The following CSNK1A1 variants were observed in gnomAD, a reference collection of about 807,000 sequenced individuals.
The protein encoded by CSNK1A1 is casein kinase 1 alpha 1.
Under a neutral mutation model 46.1 loss-of-function variants are expected in CSNK1A1, and 7 were observed. The observed-to-expected ratio is 0.15, with a 90% confidence interval of 0.09 to 0.29. The LOEUF (loss-of-function observed/expected upper bound fraction) is 0.29, where lower values mean the gene tolerates loss of function less well. Among genes scored for constraint, CSNK1A1 ranks in the 10% least tolerant of loss-of-function variants. The pLI is 1.00. For synonymous variants in CSNK1A1, 137 were observed against 141.5 expected, an observed-to-expected ratio of 0.97 and a Z score of 0.23; for missense variants, 96 against 417.1, an observed-to-expected ratio of 0.23 and a Z score of 6.71.
intron 2 of CSNK1A1, among the ~76,000 whole-genome samples, chr5:149,538,441 CAA>C (rs1427915230): frequency 6.6e-6 from 1 of 152,096 alleles, no homozygotes; most frequent in Non-Finnish European, 1.5e-5. Context: ...TTAAATTCAC[CAA>C]GAGAGTCTCA....
chr5:149,496,987 G>A, intron 9 of CSNK1A1, 127 bp from the exon 10 acceptor site: 2 of 1,457,590 alleles, frequency 1.4e-6, no homozygotes, highest in Non-Finnish European at 1.8e-6. Context: ...TTCGTCTCTT[G>A]TGAAAAGTAT....
Position 149,517,969 on chromosome 5 carries a change from A to G in CSNK1A1, c.456+2321T>C. The stretch of plus-strand genomic sequence containing the variant: ...CAGACAGGCAACACCGAGGCATTAG[A>G]GAAAGAACAGGGTAGCCAAATGCCA... On this transcript the variant is annotated intron_variant, in intron 4 of 9. Coordinates refer to ENST00000377843, the MANE Select transcript of CSNK1A1 (RefSeq NM_001892.6). The surrounding 1 kb of genome is among the most constrained non-coding windows in gnomAD (Gnocchi z 4.4). 2 of 770,314 alleles carry G rather than the reference A, an allele frequency of 2.6e-6. No individual in the cohort carries two copies. Among genetic ancestry groups the G allele is most frequent in the Non-Finnish European group, 4.5e-6 (2 of 446,544 alleles). The allele number at this position is 770,314 out of a possible 1,614,324, so 47.7% of individuals were successfully genotyped here.
chr5:149,506,965 T>A (rs1009925262), intron 8 of CSNK1A1, 62 bp downstream of exon 8: 2 of 1,197,938 alleles, frequency 1.7e-6, no homozygotes, highest in African/African-American at 3.0e-5. Flanking sequence ...ATGAATTTGT[T>A]AGGTAAATTT....
At chr5:149,530,827 ATGG>A (rs1761870861) in intron 2 of CSNK1A1, among the ~76,000 whole-genome samples, 1 of 151,948 alleles carries the variant, frequency 6.6e-6, no homozygotes, top group Non-Finnish European at 1.5e-5. Context: ...TTAGCTGGGC[ATGG>A]TGGTGGGCGC....
Position 149,495,438 on chromosome 5 carries a change from T to A in CSNK1A1, c.*1415A>T, listed in dbSNP as rs1033856892. 2.6e-4 allele frequency: 40 copies of A among 151,968 alleles called. 1 individual carries two copies. Among genetic ancestry groups the A allele is most frequent in the African/African-American group, 9.2e-4 (38 of 41,434 alleles). The allele number at this position is 151,968 out of a possible 1,614,324, so 9.4% of individuals were successfully genotyped here. A position where few individuals can be genotyped will look rare whatever the true frequency, so the allele number is the denominator to read the frequency against. On this transcript the variant is annotated 3_prime_UTR_variant, in exon 10 of 10. Transcript: ENST00000377843. ...TCAGTAAGTTTTCCTTTCTCATGGG[T>A]CAGAGAAAAAGAAATGAGCGTGCAA...
intron 5 of CSNK1A1, 126 bp from the exon 6 acceptor site, chr5:149,511,998 G>T (rs1761239211): frequency 1.5e-6 from 1 of 659,862 alleles, no homozygotes; most frequent in Non-Finnish European, 2.5e-6. Context: ...TCTTACGCAA[G>T]AAGCTACTTA....
chr5:149,544,905 G>A (rs1033805965), intron 2 of CSNK1A1, among the ~76,000 whole-genome samples: 11 of 151,262 alleles, frequency 7.3e-5, no homozygotes, highest in African/African-American at 2.4e-4. Context: ...GCGGGCCGAG[G>A]TGGGTGGATC....
chr5:149,537,228 T>C (rs539345666), intron 2 of CSNK1A1, among the ~76,000 whole-genome samples: 1 of 151,876 alleles, frequency 6.6e-6, no homozygotes, highest in East Asian at 1.9e-4. Flanking sequence ...ATACAAAAAT[T>C]AGCCGGGTGC....
chr5:149,549,952 T>C, intron 2 of CSNK1A1, 123 bp downstream of exon 2: 2 of 1,158,008 alleles, frequency 1.7e-6, no homozygotes, highest in Admixed American at 5.6e-5. Context: ...AACCACCAGC[T>C]ATAGGGAACC....
At chr5:149,520,412 T>C in intron 3 of CSNK1A1, 24 bp from the exon 4 acceptor site, 1 of 1,313,582 alleles carries the variant, frequency 7.6e-7, no homozygotes, top group Non-Finnish European at 1.1e-6. Flanking sequence ...AAGGGAGAGA[T>C]AATTGAGTTA....
At chr5:149,507,242 T>C (rs1230468288) in intron 7 of CSNK1A1, 109 bp from the exon 8 acceptor site, 1 of 802,956 alleles carries the variant, frequency 1.2e-6, no homozygotes, top group Non-Finnish European at 1.9e-6. Flanking sequence ...TATTTTACCA[T>C]TTCATAGGAA....
intron 9 of CSNK1A1, chr5:149,502,133 T>C (rs1760877937): frequency 6.2e-6 from 6 of 973,484 alleles, no homozygotes; most frequent in Non-Finnish European, 7.3e-6. Flanking sequence ...ACATTCTTAT[T>C]AAGTTATTAA....
chr5:149,508,235 A>C (rs1015089599), intron 7 of CSNK1A1, among the ~76,000 whole-genome samples: 2 of 152,202 alleles, frequency 1.3e-5, no homozygotes, highest in African/African-American at 2.4e-5. Context: ...TATTGATTGC[A>C]CCGATATAAA....
chr5:149,516,718 T>C (rs1761415872), intron 4 of CSNK1A1, among the ~76,000 whole-genome samples: 1 of 152,188 alleles, frequency 6.6e-6, no homozygotes, highest in South Asian at 2.1e-4. Context: ...CCATCTACTG[T>C]CTTCCCCCCA....
intron 2 of CSNK1A1, among the ~76,000 whole-genome samples, chr5:149,542,897 G>A (rs970905663): frequency 6.6e-6 from 1 of 150,480 alleles, no homozygotes. Flanking sequence ...GTTTCACCAT[G>A]TTGGCCAGCC....
chr5:149,523,058 T>TTTG (rs1761620734), intron 3 of CSNK1A1, among the ~76,000 whole-genome samples: 1 of 151,674 alleles, frequency 6.6e-6, no homozygotes, highest in Non-Finnish European at 1.5e-5. Context: ...TTTTTTTTTT[T>TTTG]GAGACAGAGT....
intron 3 of CSNK1A1, among the ~76,000 whole-genome samples, chr5:149,521,690 C>A (rs1179108399): frequency 6.6e-6 from 1 of 151,568 alleles, no homozygotes; most frequent in African/African-American, 2.4e-5. Flanking sequence ...AATTTTGGCT[C>A]ACTGCAACCT....
intron 2 of CSNK1A1, among the ~76,000 whole-genome samples, chr5:149,548,366 A>C (rs750941645): frequency 8.6e-5 from 13 of 151,568 alleles, no homozygotes; most frequent in African/African-American, 3.1e-4. Flanking sequence ...CAGGAGGTGG[A>C]GACCAGCCTG....
intron 2 of CSNK1A1, chr5:149,529,810 T>C (rs1580846294): frequency 2.2e-6 from 1 of 449,698 alleles, no homozygotes; most frequent in Non-Finnish European, 4.5e-6. Context: ...GTATACAATA[T>C]GGAAATGGAG....
Sources: gnomAD v4.1 joint callset for allele counts (sites outside exome capture counted in the v4.1 genomes callset) on GRCh38, gnomAD v4.1.1 for gene constraint, Gnocchi (gnomAD v3.1) non-coding constraint, MANE v1.5 for transcripts, NCBI Gene and HGNC (gene_info 2026-07-23, HGNC 2026-07-21) for gene names.